FAM200B: variants seen among roughly 807,000 people sequenced by gnomAD.
FAM200B encodes the protein zinc finger BED-type containing 11.
A neutral mutation model predicts 33.1 loss-of-function variants in FAM200B; 32 were observed. The ratio of observed to expected loss-of-function variants is 0.97; its 90% CI spans 0.73 to 1.30. The LOEUF is 1.30. FAM200B is among the 50% of genes most tolerant of loss of function. The probability of loss-of-function intolerance (pLI) is 0.00; values close to 1 mark genes in which losing one functional copy is unlikely to be tolerated. For missense variants in FAM200B, 741 were observed against 754.0 expected (o/e 0.98, Z 0.20); for synonymous variants, 240 against 264.8 (o/e 0.91, Z 0.91).
the FAM200B span, among the ~76,000 whole-genome samples, chr4:15,648,727 A>G: frequency 6.6e-6 from 1 of 152,168 alleles, no homozygotes; most frequent in Non-Finnish European, 1.5e-5. Context: ...GAAAATGGGG[A>G]GATGCTGAAA....
At chr4:15,666,258 GTATGGTGGTGCA>G in the FAM200B span, among the ~76,000 whole-genome samples, 1 of 152,030 alleles carries the variant, frequency 6.6e-6, no homozygotes, top group Non-Finnish European at 1.5e-5. Context: ...AATTAGCCAG[GTATGGTGGTGCA>G]TGCCTGTAGT....
Position 15,687,008 on chromosome 4 carries a change from A to T in FAM200B, c.31A>T (p.Asn11Tyr). The T allele has an allele frequency of 7.0e-7, 1 of 1,438,298 alleles. No individual in the cohort carries two copies. Among genetic ancestry groups the T allele is most frequent in the Non-Finnish European group, 9.3e-7 (1 of 1,080,044 alleles). The allele number at this position is 1,438,298 out of a possible 1,614,324, so 89.1% of individuals were successfully genotyped here. ...TCATTTCTTTATTAAAAGAAAGAGGAATAGTGAAGTGAAATATACAGAAGC... is the reference window on the plus strand; with the variant it reads ...TCATTTCTTTATTAAAAGAAAGAGGTATAGTGAAGTGAAATATACAGAAGC... MDHFFIKRKR[N>Y]SEVKYTEACS... The change falls in exon 2 of 2, where the codon AAT (asparagine) becomes TAT (tyrosine). Residue 11 changes from asparagine (N) to tyrosine (Y), a missense_variant. Transcript: ENST00000422728.
the FAM200B span, among the ~76,000 whole-genome samples, chr4:15,650,821 TG>T: frequency 6.6e-6 from 1 of 151,886 alleles, no homozygotes; most frequent in East Asian, 1.9e-4. Flanking sequence ...TTAGTAGAGA[TG>T]AGGTTTCACC....
the FAM200B span, among the ~76,000 whole-genome samples, chr4:15,667,003 AAAT>A: frequency 5.6e-3 from 856 of 152,340 alleles, 10 homozygotes; most frequent in Non-Finnish European, 8.6e-3. Flanking sequence ...TTATCAATCA[AAAT>A]AATCGTAATT....
chr4:15,640,990 T>A, the FAM200B span: 2 of 542,682 alleles, frequency 3.7e-6, no homozygotes, highest in Non-Finnish European at 6.4e-6. Flanking sequence ...GAAAAAAAAA[T>A]AGACAAATTG....
chr4:15,689,039 G>C lies in FAM200B; in HGVS notation c.*88G>C. 1.1e-6 allele frequency: 1 copy of C among 951,358 alleles called. No individual in the cohort carries two copies. 58.9% of individuals were successfully genotyped at this position (951,358 alleles called of 1,614,324 possible). Reference sequence around the variant, plus strand: ...TATATTTAAATGGTACTATAATACTGTGATACTTTTGTTATGTTTTAATTT... The same window carrying C: ...TATATTTAAATGGTACTATAATACTCTGATACTTTTGTTATGTTTTAATTT... On this transcript the variant is annotated 3_prime_UTR_variant, in exon 2 of 2. Coordinates refer to ENST00000422728, the MANE Select transcript of FAM200B (RefSeq NM_001145191.2).
At chr4:15,680,549 C>T (rs906756206), upstream of FAM200B, among the ~76,000 whole-genome samples, 1 of 151,960 alleles carries the variant, frequency 6.6e-6, no homozygotes, top group Admixed American at 6.6e-5. Context: ...TGGTGGCGGT[C>T]GCCTGTAATC....
chr4:15,656,949 C>A, the FAM200B span, among the ~76,000 whole-genome samples: 2 of 149,986 alleles, frequency 1.3e-5, no homozygotes, highest in Admixed American at 1.3e-4. Context: ...TCTGACAGTA[C>A]CCCCAGAGTC....
chr4:15,679,717 C>T (rs1718135529), upstream of FAM200B, among the ~76,000 whole-genome samples: 1 of 150,414 alleles, frequency 6.6e-6, no homozygotes, highest in Non-Finnish European at 1.5e-5. Context: ...CAGGATTTTA[C>T]TTATCTATCA....
the FAM200B span, among the ~76,000 whole-genome samples, chr4:15,639,984 T>A: frequency 4.6e-5 from 7 of 152,322 alleles, no homozygotes; most frequent in South Asian, 1.4e-3. Flanking sequence ...GAAAACGTTT[T>A]GCCCATTCAT....
intron 1 of FAM200B, chr4:15,684,965 A>G (rs1268021775): frequency 2.0e-5 from 3 of 152,214 alleles, no homozygotes; most frequent in Non-Finnish European, 4.4e-5. Flanking sequence ...TTAAGGTACA[A>G]TCAGGTACCA....
In FAM200B at chr4:15,687,520, A is replaced by G; in HGVS notation, c.543A>G (p.Thr181=). 1.3e-6 allele frequency: 2 copies of G among 1,550,894 alleles called. No individual in the cohort carries two copies. The highest frequency in any genetic ancestry group is 1.7e-6 in the Non-Finnish European group (2 of 1,146,648). The change falls in exon 2 of 2, where the codon ACA becomes ACG. Residue 181 remains threonine (T), a synonymous_variant. Coordinates refer to ENST00000422728, the MANE Select transcript of FAM200B (RefSeq NM_001145191.2). ...ILPACLDMVR[T]IFDDKSADKL... The stretch of plus-strand genomic sequence containing the variant: ...CAGCATGTTTGGATATGGTGCGTAC[A>G]ATATTTGATGATAAATCAGCTGATA...
the FAM200B span, among the ~76,000 whole-genome samples, chr4:15,644,207 A>C: frequency 6.6e-6 from 1 of 152,100 alleles, no homozygotes; most frequent in Non-Finnish European, 1.5e-5. Flanking sequence ...CTTGGCCTTG[A>C]TGTTTCCTCA....
chr4:15,686,963 CAA>C lies in FAM200B; in HGVS notation c.-13_-12del. The C allele has an allele frequency of 7.9e-7, 1 of 1,265,022 alleles. No homozygotes were observed. Among genetic ancestry groups the C allele is most frequent in the South Asian group, 1.9e-5 (1 of 52,672 alleles). The allele number at this position is 1,265,022 out of a possible 1,614,324, so 78.4% of individuals were successfully genotyped here. On this transcript the variant is annotated 5_prime_UTR_variant, in exon 2 of 2. Coordinates refer to ENST00000422728, the MANE Select transcript of FAM200B (RefSeq NM_001145191.2). ...TTATAACATTTTAATCAAACTGGAA[CAA>C]ATTGCTATTAAAATGGATCATTTCT... is the stretch of plus-strand genomic sequence containing the variant.
chr4:15,685,726 G>A lies in FAM200B; in HGVS notation c.-742-510G>A, dbSNP rs568302406. ...GATACAGTATTAACACAGTTAAGAC[G>A]TGGAAATTTTAATAAATAAACACTA... is the stretch of plus-strand genomic sequence containing the variant. On this transcript the variant is annotated intron_variant, in intron 1 of 1. Transcript: ENST00000422728. Among the ~76,000 whole-genome samples, 5 of 152,232 alleles carry A rather than the reference G, an allele frequency of 3.3e-5. No homozygotes were observed. In the South Asian group the frequency reaches 8.3e-4, roughly 25 times the overall value.
At chr4:15,655,248 G>A in the FAM200B span, 2 of 1,444,170 alleles carry the variant, frequency 1.4e-6, no homozygotes, top group South Asian at 1.3e-5. Flanking sequence ...CGCCAGTGTG[G>A]GGCGGTGAAG....
the FAM200B span, among the ~76,000 whole-genome samples, chr4:15,643,264 CTT>C: frequency 2.6e-5 from 4 of 152,250 alleles, no homozygotes; most frequent in Admixed American, 2.6e-4. Flanking sequence ...TTTTCTTTAT[CTT>C]TAATCCATCC....
chr4:15,648,537 T>A, the FAM200B span, among the ~76,000 whole-genome samples: 4 of 152,214 alleles, frequency 2.6e-5, no homozygotes, highest in African/African-American at 4.8e-5. Flanking sequence ...AAAATATTAT[T>A]CAGTCATAAA....
the FAM200B span, among the ~76,000 whole-genome samples, chr4:15,664,550 C>CTTTT: frequency 1.9e-3 from 144 of 75,518 alleles, 2 homozygotes; most frequent in East Asian, 2.7e-3. Flanking sequence ...GGCCCTCATC[C>CTTTT]TTTTTTTTTT....
Sources: allele counts gnomAD v4.1 joint callset (sites outside exome capture counted in the v4.1 genomes callset), GRCh38; gene constraint gnomAD v4.1.1; transcripts MANE v1.5; gene names NCBI Gene and HGNC (gene_info 2026-07-23, HGNC 2026-07-21).